Variants in CHSY3 observed in about 807,000 individuals in gnomAD.
The protein encoded by CHSY3 is chondroitin sulfate synthase 3, also known as N-acetylgalactosaminyl-proteoglycan 3-beta-glucuronosyltransferase 3.
A neutral mutation model predicts 67.2 loss-of-function variants in CHSY3; 35 were observed. The ratio of observed to expected loss-of-function variants is 0.52; its 90% confidence interval spans 0.40 to 0.69. The LOEUF is 0.69. Ranked by LOEUF, CHSY3 falls within the 30% of genes least tolerant of loss-of-function variation. CHSY3 has a pLI of 0.00. For synonymous variants in CHSY3, 474 were observed against 434.7 expected (o/e 1.09, Z -1.12); for missense variants, 1,069 against 1,138.5 (o/e 0.94, Z 0.88).
chr5:130,149,176 C>T (rs1769160610), intron 2 of CHSY3, among the ~76,000 whole-genome samples: 1 of 152,098 alleles, frequency 6.6e-6, no homozygotes, highest in African/African-American at 2.4e-5. Context: ...AAGTTGCTTC[C>T]ACATTTTCAG....
chr5:130,058,277 G>T (rs1355264121), intron 2 of CHSY3, among the ~76,000 whole-genome samples: 2 of 152,120 alleles, frequency 1.3e-5, no homozygotes, highest in African/African-American at 2.4e-5. Flanking sequence ...TTAAGTATGG[G>T]TAGGTGAAAA....
intron 2 of CHSY3, among the ~76,000 whole-genome samples, chr5:129,925,842 C>G (rs1761086920): frequency 6.6e-6 from 1 of 151,888 alleles, no homozygotes; most frequent in Non-Finnish European, 1.5e-5. Flanking sequence ...AATATTAAAA[C>G]ACGTTTTAGG....
intron 2 of CHSY3, among the ~76,000 whole-genome samples, chr5:130,182,976 T>A (rs551438701): frequency 2.6e-5 from 4 of 152,190 alleles, no homozygotes; most frequent in African/African-American, 7.2e-5. Context: ...GCTGTTTTTT[T>A]AAATTTATGT....
chr5:130,078,643 T>C (rs1257566719), intron 2 of CHSY3, among the ~76,000 whole-genome samples: 1 of 152,198 alleles, frequency 6.6e-6, no homozygotes, highest in Non-Finnish European at 1.5e-5. Context: ...CTAGTCACTA[T>C]TATGTTTTAA....
At position 130,167,553 on chromosome 5, in the gene CHSY3, G is replaced by A. The variant is rs535202741; in HGVS notation, c.1087-16676G>A. Among the ~76,000 whole-genome samples the A allele has an allele frequency of 2.0e-5, 3 of 152,244 alleles. No individual in the cohort carries two copies. In the South Asian group the frequency reaches 6.2e-4, roughly 32 times the overall value. On this transcript the variant is annotated intron_variant, in intron 2 of 2. Coordinates refer to ENST00000305031, the MANE Select transcript of CHSY3 (RefSeq NM_175856.5). ...CAGGAAGAAACCTAAGTTATTTCAA[G>A]CTGAGGGAAATGTTAAGGCCATCTT...
chr5:130,166,227 C>A (rs1488158819), intron 2 of CHSY3, among the ~76,000 whole-genome samples: 2 of 151,914 alleles, frequency 1.3e-5, no homozygotes, highest in African/African-American at 2.4e-5. Flanking sequence ...TTTATCTGTT[C>A]AGAGAGAAAA....
At chr5:130,044,977 T>C (rs1164306469) in intron 2 of CHSY3, among the ~76,000 whole-genome samples, 1 of 152,060 alleles carries the variant, frequency 6.6e-6, no homozygotes, top group Non-Finnish European at 1.5e-5. Context: ...CATAAGTAGT[T>C]TTTTGTTTTT....
intron 2 of CHSY3, among the ~76,000 whole-genome samples, chr5:130,110,031 G>A (rs939668567): frequency 6.6e-6 from 1 of 151,824 alleles, no homozygotes; most frequent in Non-Finnish European, 1.5e-5. Flanking sequence ...TATAAGTACT[G>A]GAAATGGTGA....
At chr5:130,064,702 AG>A (rs907455691) in intron 2 of CHSY3, among the ~76,000 whole-genome samples, 1 of 152,176 alleles carries the variant, frequency 6.6e-6, no homozygotes, top group African/African-American at 2.4e-5. Context: ...AATTCTCAAG[AG>A]CAAGGGCTGC....
rs1049168134 is a variant in CHSY3 at position 129,905,327 on chromosome 5, C to G, written c.498C>G (p.Ser166Arg). 37 of 1,528,670 alleles carry G rather than the reference C, an allele frequency of 2.4e-5. No individual in the cohort carries two copies. Among genetic ancestry groups the G allele is most frequent in the East Asian group, 1.9e-4 (8 of 41,408 alleles). 94.7% of individuals were successfully genotyped at this position (1,528,670 alleles called of 1,614,324 possible). Reference protein sequence around the residue: ...GSGDGGAAAPSARPRDFLYVG... With the variant: ...GSGDGGAAAPRARPRDFLYVG... The stretch of plus-strand genomic sequence containing the variant: ...GGGACGGGGGCGCTGCCGCCCCGAG[C>G]GCCCGACCCCGGGACTTCCTGTACG... Residue 166 changes from serine (S) to arginine (R), a missense_variant, in exon 1 of 3, where the codon AGC (serine) becomes AGG (arginine). This residue lies in a region of CHSY3 where 309 missense variants were observed against 262.5 expected (regional missense o/e 1.18). Transcript: ENST00000305031.
At chr5:130,028,918 T>C (rs1764632062) in intron 2 of CHSY3, among the ~76,000 whole-genome samples, 1 of 151,926 alleles carries the variant, frequency 6.6e-6, no homozygotes, top group African/African-American at 2.4e-5. Flanking sequence ...CACATCTGCT[T>C]CTCCTACTGA....
intron 2 of CHSY3, chr5:130,140,758 C>T (rs1768837830): frequency 4.2e-6 from 1 of 238,386 alleles, no homozygotes; most frequent in South Asian, 7.7e-5. Context: ...AGTTCACACA[C>T]AAGCACAAGC....
At chr5:130,008,386 T>A (rs1763938644) in intron 2 of CHSY3, among the ~76,000 whole-genome samples, 1 of 152,120 alleles carries the variant, frequency 6.6e-6, no homozygotes, top group Admixed American at 6.5e-5. Flanking sequence ...CTGAAATCAT[T>A]GAGAAATGAA....
At chr5:129,923,600 T>C (rs1468107736) in intron 2 of CHSY3, among the ~76,000 whole-genome samples, 2 of 152,138 alleles carry the variant, frequency 1.3e-5, no homozygotes, top group Admixed American at 1.3e-4. Context: ...TGGACCTCAC[T>C]GAGAAGATGA....
rs567557116 is a variant in CHSY3 at position 130,025,792 on chromosome 5, C to G, written c.1086+117432C>G. 2.0e-5 allele frequency among the ~76,000 whole-genome samples: 3 copies of G among 152,164 alleles called. No homozygotes were observed. In the East Asian group the frequency reaches 5.8e-4, roughly 30 times the overall value. ...TTCTGCCTTCATGACCTAATCTCCT[C>G]TCAAAGGCCCCATGCATGTCCAAAT... is the stretch of plus-strand genomic sequence containing the variant. On this transcript the variant is annotated intron_variant, in intron 2 of 2. Transcript: ENST00000305031.
In CHSY3 at chr5:130,009,685, G is replaced by A. The variant is rs1383958103; in HGVS notation, c.1086+101325G>A. On this transcript the variant is annotated intron_variant, in intron 2 of 2. Coordinates refer to ENST00000305031, the MANE Select transcript of CHSY3 (RefSeq NM_175856.5). ...ATGGGCTGAACACCCCATTTAAAAG[G>A]CACAGAGTGGCAAGTTGGATAATGA... Among the ~76,000 whole-genome samples the A allele has an allele frequency of 3.3e-5, 5 of 152,016 alleles. No homozygotes were observed. The East Asian group carries it at 7.7e-4, about 24-fold the overall frequency.
At chr5:129,909,699 T>G (rs1446835054) in intron 2 of CHSY3, among the ~76,000 whole-genome samples, 1 of 152,010 alleles carries the variant, frequency 6.6e-6, no homozygotes, top group Non-Finnish European at 1.5e-5. Context: ...ATAAACTCAA[T>G]AAAATATTTC....
chr5:130,172,339 T>TG (rs1769920186), intron 2 of CHSY3, among the ~76,000 whole-genome samples: 1 of 139,724 alleles, frequency 7.2e-6, no homozygotes, highest in Non-Finnish European at 1.6e-5. Context: ...TTTTTTTTTT[T>TG]GAGACAGTTG....
intron 2 of CHSY3, among the ~76,000 whole-genome samples, chr5:130,089,530 CA>C (rs1229999593): frequency 6.6e-6 from 1 of 151,986 alleles, no homozygotes; most frequent in African/African-American, 2.4e-5. Flanking sequence ...GCAAATGGTA[CA>C]AAATGTGTTC....
Sources: allele counts gnomAD v4.1 joint callset (sites outside exome capture counted in the v4.1 genomes callset), GRCh38; gene constraint gnomAD v4.1.1; regional missense constraint gnomAD v4.1.1; transcripts MANE v1.5; gene names NCBI Gene and HGNC (gene_info 2026-07-23, HGNC 2026-07-21).